Variants in ZPR1 observed in about 807,000 individuals in gnomAD.
The protein encoded by ZPR1 is zinc finger protein ZPR1.
In ZPR1, 37 loss-of-function variants were observed where a neutral mutation model predicts 59.6. The observed-to-expected ratio is 0.62, with a 90% confidence interval of 0.48 to 0.82. The LOEUF (loss-of-function observed/expected upper bound fraction) is 0.82. Ranked by LOEUF, ZPR1 falls within the 40% of genes least tolerant of loss-of-function variation. The pLI is 0.00. For missense variants in ZPR1, 527 were observed against 579.9 expected (o/e 0.91, Z 0.94); for synonymous variants, 191 against 215.2 (o/e 0.89, Z 0.99).
Position 116,783,581 on chromosome 11 carries a change from C to G in ZPR1, c.930G>C (p.Arg310Ser), listed in dbSNP as rs1454119244. The part of the protein sequence containing the change: ...SGGAVEPLGT[R>S]ITLHITDASD... ...AGGCATCTGTGATGTGGAGGGTGAT[C>G]CTGGTGCCCAAGGGTTCTACTGCTC... The change falls in exon 10 of 14, where the codon AGG becomes AGC. Residue 310 changes from arginine to serine, a missense_variant. By Grantham distance (110) the Arg-to-Ser change is moderately radical. Transcript: ENST00000227322. The G allele has an allele frequency of 4.3e-6, 7 of 1,614,014 alleles. No homozygotes were observed. The Admixed American group carries it at 5.0e-5, about 12-fold the overall frequency.
chr11:116,786,984 A>G lies in ZPR1; in HGVS notation c.409T>C (p.Phe137Leu). ...IPELDFEIPAFSQKGALTTVE... is the reference protein window; with the variant it reads ...IPELDFEIPALSQKGALTTVE... ...TTAAACTTACCTCCTTTCTGGCTAA[A>G]GGCAGGAATTTCAAAATCTAGCTCA... The change falls in exon 3 of 14, where the codon TTT becomes CTT. Residue 137 changes from phenylalanine to leucine, a missense_variant. Transcript: ENST00000227322. The G allele has an allele frequency of 6.2e-7, 1 of 1,614,124 alleles. No homozygotes were observed. Among genetic ancestry groups the G allele is most frequent in the African/African-American group, 1.3e-5 (1 of 75,060 alleles).
chr11:116,779,613 A>C, intron 13 of ZPR1, among the ~76,000 whole-genome samples, 159 bp downstream of exon 13: 1 of 149,024 alleles, frequency 6.7e-6, no homozygotes. Context: ...CCCCTCCCAC[A>C]CCCCCCTCTT....
Position 116,774,710 on chromosome 11 carries a change from G to C in ZPR1, c.*4215C>G, listed in dbSNP as rs1441167029. The C allele has an allele frequency of 6.6e-6, 1 of 152,260 alleles. No individual in the cohort carries two copies. Among genetic ancestry groups the C allele is most frequent in the Non-Finnish European group, 1.5e-5 (1 of 68,122 alleles). 9.4% of individuals were successfully genotyped at this position (152,260 alleles called of 1,614,324 possible). A position where few individuals can be genotyped will look rare whatever the true frequency, so the allele number is the denominator to read the frequency against. ...ACGAGGACGCTGGGCTGAGAAGATA[G>C]GGCTTCACTAGGCGGAGGGCCCCAG... On this transcript the variant is annotated 3_prime_UTR_variant, in exon 14 of 14. Transcript: ENST00000227322.
At chr11:116,785,976 A>C in intron 4 of ZPR1, 94 bp from the exon 5 acceptor site, 1 of 1,078,058 alleles carries the variant, frequency 9.3e-7, no homozygotes, top group East Asian at 2.4e-5. Context: ...GGAAGTCACC[A>C]CCTATCTCAG....
Position 116,778,930 on chromosome 11 carries a change from G to T in ZPR1, c.1375C>A (p.Arg459=). ...GGCCCTTGAGCCACCCACTGCTACC[G>T]TTGCGGAGCCAGGCCTGCCTCATAG... ...EGYEAGLAPQ[R] Residue 459 remains arginine (R), a synonymous_variant, in exon 14 of 14, where the codon CGG becomes AGG. Transcript: ENST00000227322. 6.2e-7 allele frequency: 1 copy of T among 1,613,728 alleles called. No individual in the cohort carries two copies.
In ZPR1 at chr11:116,785,891, A is replaced by T; in HGVS notation, c.496-9T>A. 6.2e-7 allele frequency: 1 copy of T among 1,613,564 alleles called. No homozygotes were observed. Among genetic ancestry groups the T allele is most frequent in the African/African-American group, 1.3e-5 (1 of 75,036 alleles). ...GTAGCATCTTTGTTTGCCTGCCATGAACAGAGAGTAAAGCATCAGCCCTGG... is the reference window on the plus strand; with the variant it reads ...GTAGCATCTTTGTTTGCCTGCCATGTACAGAGAGTAAAGCATCAGCCCTGG... On this transcript the variant is annotated splice_polypyrimidine_tract_variant and intron_variant, in intron 4 of 13. Coordinates refer to ENST00000227322, the MANE Select transcript of ZPR1 (RefSeq NM_003904.5).
In ZPR1 at chr11:116,783,558, G is replaced by T. The variant is rs1940840932; in HGVS notation, c.953C>A (p.Ala318Asp). ...GTRITLHITD[A>D]SDMTRDLLKS... ...GAGGAGGTCTCTGGTCATATCTGAGGCATCTGTGATGTGGAGGGTGATCCT... is the reference window on the plus strand; with the variant it reads ...GAGGAGGTCTCTGGTCATATCTGAGTCATCTGTGATGTGGAGGGTGATCCT... The change falls in exon 10 of 14, where the codon GCC becomes GAC. Residue 318 changes from alanine (A) to aspartate (D), a missense_variant. Ala to Asp is a moderately radical substitution (Grantham distance 126). Transcript: ENST00000227322. The T allele has an allele frequency of 6.2e-7, 1 of 1,614,120 alleles. No homozygotes were observed.
At chr11:116,781,980 C>T (rs1007550833) in intron 12 of ZPR1, among the ~76,000 whole-genome samples, 178 bp downstream of exon 12, 3 of 151,640 alleles carry the variant, frequency 2.0e-5, no homozygotes, top group African/African-American at 7.3e-5. Flanking sequence ...CCACTGCACT[C>T]CAGCCTGGGC....
intron 8 of ZPR1, 95 bp from the exon 9 acceptor site, chr11:116,784,543 C>T (rs762276587): frequency 8.2e-7 from 1 of 1,221,104 alleles, no homozygotes; most frequent in Non-Finnish European, 1.2e-6. Flanking sequence ...TATGCTGGTC[C>T]CAGAACTGCA....
Position 116,783,634 on chromosome 11 carries a change from G to A in ZPR1, c.892-15C>T. On this transcript the variant is annotated splice_polypyrimidine_tract_variant and intron_variant, in intron 9 of 13. Transcript: ENST00000227322. ...CCAGATTTCACCTGCATCGATAACA[G>A]TCAGGAGCAACAGAGAGAAGACCTG... The A allele has an allele frequency of 6.2e-7, 1 of 1,610,704 alleles. No homozygotes were observed. The highest frequency in any genetic ancestry group is 8.5e-7 in the Non-Finnish European group (1 of 1,176,928).
At chr11:116,780,127 A>G (rs2134193837) in intron 12 of ZPR1, among the ~76,000 whole-genome samples, 1 of 151,600 alleles carries the variant, frequency 6.6e-6, no homozygotes, top group South Asian at 2.1e-4. Flanking sequence ...CCTGCCAGAC[A>G]AGAACCAACC....
intron 2 of ZPR1, 47 bp downstream of exon 2, chr11:116,787,435 G>A (rs752422043): frequency 6.3e-7 from 1 of 1,585,596 alleles, no homozygotes; most frequent in Non-Finnish European, 8.6e-7. Flanking sequence ...CCCCAGTACC[G>A]AATCTCTCTC....
At chr11:116,787,713 G>A in intron 1 of ZPR1, 70 bp from the exon 2 acceptor site, 3 of 1,550,632 alleles carry the variant, frequency 1.9e-6, no homozygotes, top group Non-Finnish European at 2.6e-6. Context: ...CTATCTCCGG[G>A]CGCTCCTCGG....
rs1215698667 is a variant in ZPR1, at chr11:116,785,872, T to C, written c.506A>G (p.Asp169Gly). The C allele has an allele frequency of 5.6e-6, 9 of 1,614,194 alleles. No individual in the cohort carries two copies. ...QDQPARRANK[D>G]ATAERIDEFI... ...CTCATCAATTCTTTCAGCTGTAGCA[T>C]CTTTGTTTGCCTGCCATGAACAGAG... The change falls in exon 5 of 14, where the codon GAT becomes GGT. Residue 169 changes from aspartate to glycine, a missense_variant. Physicochemically the swap from Asp to Gly is moderately conservative, Grantham distance 94. Transcript: ENST00000227322.
In ZPR1 at chr11:116,777,056, A is replaced by G. The variant is rs1005474733; in HGVS notation, c.*1869T>C. On this transcript the variant is annotated 3_prime_UTR_variant, in exon 14 of 14. Transcript: ENST00000227322. ...ATACAGGTATGGAAGTTAGTCCCAC[A>G]TGATAGTAAGATGCCAAAGAATCTG... 2.0e-5 allele frequency: 3 copies of G among 152,238 alleles called. No homozygotes were observed. In the East Asian group the frequency reaches 5.8e-4, roughly 29 times the overall value. 9.4% of individuals were successfully genotyped at this position (152,238 alleles called of 1,614,324 possible).
intron 11 of ZPR1, 106 bp from the exon 12 acceptor site, chr11:116,782,350 T>A: frequency 1.1e-6 from 1 of 937,876 alleles, no homozygotes; most frequent in Non-Finnish European, 1.7e-6. Context: ...CAGGGAAACT[T>A]GGTTTCCATT....
intron 6 of ZPR1, 32 bp from the exon 7 acceptor site, chr11:116,785,178 G>C (rs760933388): frequency 6.2e-7 from 1 of 1,612,942 alleles, no homozygotes; most frequent in South Asian, 1.1e-5. Context: ...TCGCAAGTTG[G>C]CAGGTATACC....
rs1167133313 is a variant in ZPR1, at chr11:116,779,785, T to A, written c.1232A>T (p.Asn411Ile). 5 of 1,605,902 alleles carry A rather than the reference T, an allele frequency of 3.1e-6. No individual in the cohort carries two copies. The highest frequency in any genetic ancestry group is 4.3e-6 in the Non-Finnish European group (5 of 1,175,454). The change falls in exon 13 of 14, where the codon AAC becomes ATC. Residue 411 changes from asparagine (N) to isoleucine (I), a missense_variant. Asn to Ile is a moderately radical substitution (Grantham distance 149). Coordinates refer to ENST00000227322, the MANE Select transcript of ZPR1 (RefSeq NM_003904.5). ...AHFIMDDPAGNSYLQNVYAPE... is the reference protein window; with the variant it reads ...AHFIMDDPAGISYLQNVYAPE... The stretch of plus-strand genomic sequence containing the variant: ...GGTCTACTATACCTGCAAGTAACTG[T>A]TTCCTGCTGGATCATCCATAATAAA...
intron 9 of ZPR1, among the ~76,000 whole-genome samples, chr11:116,783,860 TAAA>T (rs11355367): frequency 0.016 from 1,980 of 126,418 alleles, 43 homozygotes; most frequent in African/African-American, 0.051. Context: ...GAATTTACCT[TAAA>T]AAAAAAAAAA....
Sources: allele counts gnomAD v4.1 joint callset (sites outside exome capture counted in the v4.1 genomes callset), GRCh38; gene constraint gnomAD v4.1.1; transcripts MANE v1.5; gene names NCBI Gene and HGNC (gene_info 2026-07-23, HGNC 2026-07-21).